The following NMNAT2 variants were observed in gnomAD, a reference collection of about 807,000 sequenced individuals.
The protein encoded by NMNAT2 is nicotinamide/nicotinic acid mononucleotide adenylyltransferase 2.
NMNAT2 carries 11 observed loss-of-function variants against 41.6 expected under a neutral mutation model. The observed-to-expected ratio is 0.26, with a 90% confidence interval of 0.17 to 0.44. NMNAT2 has a LOEUF of 0.44. Among genes scored for constraint, NMNAT2 ranks in the 20% least tolerant of loss-of-function variants. The pLI is 1.00. For missense variants in NMNAT2, 288 were observed against 407.7 expected (o/e 0.71, Z 2.53); for synonymous variants, 148 against 151.2 (o/e 0.98, Z 0.16).
chr1:183,321,655 T>C (rs1662358011), intron 1 of NMNAT2, among the ~76,000 whole-genome samples: 1 of 151,588 alleles, frequency 6.6e-6, no homozygotes, highest in Non-Finnish European at 1.5e-5. Flanking sequence ...GGTAGGAGAA[T>C]AGCTTGAACC....
chr1:183,255,975 A>G (rs1192720261), intron 10 of NMNAT2, among the ~76,000 whole-genome samples: 2 of 152,028 alleles, frequency 1.3e-5, no homozygotes, highest in East Asian at 3.9e-4. Flanking sequence ...TCTAACTGCT[A>G]TTGATAGTAC....
chr1:183,382,741 C>T (rs1663828344), intron 1 of NMNAT2, among the ~76,000 whole-genome samples: 1 of 152,210 alleles, frequency 6.6e-6, no homozygotes, highest in African/African-American at 2.4e-5. Context: ...CTCCATGTCT[C>T]ATATCCAGCC....
At chr1:183,303,095 A>G (rs1661904426) in intron 1 of NMNAT2, among the ~76,000 whole-genome samples, 1 of 152,222 alleles carries the variant, frequency 6.6e-6, no homozygotes, top group South Asian at 2.1e-4. Context: ...TGAGTCAGGA[A>G]CAAAGTCTCT....
At position 183,284,857 on chromosome 1, in the gene NMNAT2, C is replaced by G; in HGVS notation, c.449-67G>C. On this transcript the variant is annotated intron_variant, in intron 5 of 10. Transcript: ENST00000287713. ...AACAACTCACAACTGGCACTCATGT[C>G]GGCCCGGCATTGGGGCCGCTGTAAA... 5 of 1,366,726 alleles carry G rather than the reference C, an allele frequency of 3.7e-6. No individual in the cohort carries two copies. The South Asian group carries it at 4.6e-5, about 13-fold the overall frequency. 84.7% of individuals were successfully genotyped at this position (1,366,726 alleles called of 1,614,324 possible). A position where few individuals can be genotyped will look rare whatever the true frequency, so the allele number is the denominator to read the frequency against.
intron 1 of NMNAT2, among the ~76,000 whole-genome samples, chr1:183,297,661 G>A (rs749975199): frequency 2.8e-4 from 42 of 152,132 alleles, no homozygotes; most frequent in African/African-American, 4.6e-4. Flanking sequence ...GATTACAGGC[G>A]TGAGCCACCA....
chr1:183,281,392 C>T (rs2102299728), intron 7 of NMNAT2, among the ~76,000 whole-genome samples: 1 of 152,264 alleles, frequency 6.6e-6, no homozygotes, highest in East Asian at 1.9e-4. Flanking sequence ...AAGCCCCCCT[C>T]CCCAACACAT....
intron 8 of NMNAT2, among the ~76,000 whole-genome samples, chr1:183,267,968 G>T (rs1660863457): frequency 6.6e-6 from 1 of 152,080 alleles, no homozygotes; most frequent in Non-Finnish European, 1.5e-5. Flanking sequence ...CAGAGGTGGG[G>T]GTCTGTGACA....
intron 7 of NMNAT2, among the ~76,000 whole-genome samples, chr1:183,281,036 C>T (rs1160060817): frequency 2.0e-5 from 3 of 151,190 alleles, no homozygotes; most frequent in East Asian, 2.0e-4. Context: ...CCGCCAGCCT[C>T]GGCCTCCCAA....
intron 1 of NMNAT2, among the ~76,000 whole-genome samples, chr1:183,350,727 G>A (rs1245935259): frequency 6.6e-6 from 1 of 152,192 alleles, no homozygotes; most frequent in Non-Finnish European, 1.5e-5. Flanking sequence ...TCCATTTGTT[G>A]TATGTCTACC....
intron 1 of NMNAT2, among the ~76,000 whole-genome samples, chr1:183,397,485 C>T (rs1348679852): frequency 6.6e-6 from 1 of 152,154 alleles, no homozygotes; most frequent in Non-Finnish European, 1.5e-5. Context: ...TTGGAAAACA[C>T]TCTGCAGGAT....
At chr1:183,327,517 T>G (rs1440207948) in intron 1 of NMNAT2, among the ~76,000 whole-genome samples, 1 of 152,224 alleles carries the variant, frequency 6.6e-6, no homozygotes, top group East Asian at 1.9e-4. Context: ...CCTCGACAGC[T>G]CATGTATACC....
At chr1:183,338,384 G>GT (rs1448743560) in intron 1 of NMNAT2, among the ~76,000 whole-genome samples, 1 of 151,850 alleles carries the variant, frequency 6.6e-6, no homozygotes, top group Non-Finnish European at 1.5e-5. Flanking sequence ...GTGGGGTTGA[G>GT]GAGAAATGAC....
intron 1 of NMNAT2, among the ~76,000 whole-genome samples, chr1:183,391,629 A>G (rs1648485617): frequency 6.6e-6 from 1 of 152,188 alleles, no homozygotes; most frequent in South Asian, 2.1e-4. Context: ...CCTCAAAAGA[A>G]TGTTTAAATA....
At chr1:183,362,073 G>A (rs1296361369) in intron 1 of NMNAT2, among the ~76,000 whole-genome samples, 1 of 152,046 alleles carries the variant, frequency 6.6e-6, no homozygotes, top group Non-Finnish European at 1.5e-5. Context: ...TGAGTAGCTG[G>A]GATTACAGGC....
intron 1 of NMNAT2, among the ~76,000 whole-genome samples, chr1:183,398,492 G>A (rs1200630360): frequency 6.6e-6 from 1 of 152,092 alleles, no homozygotes; most frequent in Non-Finnish European, 1.5e-5. Flanking sequence ...GTCAACATTA[G>A]ACAGATCAAC....
intron 1 of NMNAT2, among the ~76,000 whole-genome samples, chr1:183,311,876 T>A (rs188191323): frequency 1.3e-5 from 2 of 151,832 alleles, no homozygotes; most frequent in African/African-American, 4.8e-5. Flanking sequence ...TGGGAGGTAA[T>A]TGAATCATGG....
At chr1:183,347,950 A>C (rs1413388166) in intron 1 of NMNAT2, among the ~76,000 whole-genome samples, 1 of 152,094 alleles carries the variant, frequency 6.6e-6, no homozygotes, top group Non-Finnish European at 1.5e-5. Flanking sequence ...GGGTTGAACA[A>C]ATGGGGACAT....
chr1:183,333,893 T>C (rs146870569), intron 1 of NMNAT2, among the ~76,000 whole-genome samples: 20 of 152,312 alleles, frequency 1.3e-4, no homozygotes, highest in Admixed American at 1.2e-3. Context: ...TGTGTTCTTG[T>C]TCTCTTCAAC....
At chr1:183,374,917 A>G (rs915340845) in intron 1 of NMNAT2, among the ~76,000 whole-genome samples, 2 of 152,188 alleles carry the variant, frequency 1.3e-5, no homozygotes, top group Admixed American at 1.3e-4. Flanking sequence ...CCCTAGGAAT[A>G]GGATGTGTGT....
Sources: allele counts gnomAD v4.1 joint callset (sites outside exome capture counted in the v4.1 genomes callset), GRCh38; gene constraint gnomAD v4.1.1; transcripts MANE v1.5; gene names NCBI Gene and HGNC (gene_info 2026-07-23, HGNC 2026-07-21).